SYTL3: variants seen among roughly 807,000 people sequenced by gnomAD.
SYTL3 encodes the protein synaptotagmin like 3, also known as synaptotagmin-like protein 3.
SYTL3 carries 88 observed loss-of-function variants against 82.1 expected under a neutral mutation model. The observed-to-expected ratio is 1.07, with a 90% CI of 0.90 to 1.28. The LOEUF (loss-of-function observed/expected upper bound fraction) is 1.28, where lower values mean the gene tolerates loss of function less well. Ranked by LOEUF, SYTL3 falls within the 50% of genes most tolerant of loss-of-function variation. The pLI, the probability that SYTL3 is intolerant of heterozygous loss-of-function variation, is 0.00. For missense variants in SYTL3, 831 were observed against 757.6 expected, an observed-to-expected ratio of 1.10 and a Z score of -1.14; for synonymous variants, 311 against 289.4, an observed-to-expected ratio of 1.07 and a Z score of -0.76.
rs1206797971 is a variant in SYTL3 at position 158,655,492 on chromosome 6, G to A, written c.-637+3650G>A. Among the ~76,000 whole-genome samples the A allele has an allele frequency of 5.9e-5, 9 of 152,318 alleles. No homozygotes were observed. In the South Asian group the frequency reaches 1.0e-3, roughly 18 times the overall value. On this transcript the variant is annotated intron_variant, in intron 2 of 17. Coordinates refer to ENST00000611299, the MANE Select transcript of SYTL3 (RefSeq NM_001242394.2). ...ACAGAATGAAATCAGGGTCACCATCGAAATATACAAATTAGAAAGCAGTTA... is the reference window on the plus strand; with the variant it reads ...ACAGAATGAAATCAGGGTCACCATCAAAATATACAAATTAGAAAGCAGTTA...
chr6:158,756,034 A>C (rs1789013843), intron 13 of SYTL3, among the ~76,000 whole-genome samples: 1 of 152,238 alleles, frequency 6.6e-6, no homozygotes, highest in Non-Finnish European at 1.5e-5. Context: ...GCATCTAGAA[A>C]GCCTGGTGTG....
rs535441744 is a variant in SYTL3, at chr6:158,708,377, C to T, written c.502C>T (p.Arg168Cys). Residue 168 changes from arginine (R) to cysteine (C), a missense_variant, in exon 8 of 18, where the codon CGC becomes TGC. Arg to Cys is a radical substitution (Grantham distance 180). Transcript: ENST00000611299. ...PPPVSESQCSRSPGRLQEFGQ... is the reference protein window; with the variant it reads ...PPPVSESQCSCSPGRLQEFGQ... ...TCCTGTCAGCGAGAGCCAGTGCAGC[C>T]GCAGTCCTGGCAGGGTAACGTATCC... is the stretch of plus-strand genomic sequence containing the variant. 6.9e-5 allele frequency: 111 copies of T among 1,614,092 alleles called. No homozygotes were observed. Among genetic ancestry groups the T allele is most frequent in the Middle Eastern group, 6.6e-4 (4 of 6,062 alleles).
intron 2 of SYTL3, among the ~76,000 whole-genome samples, chr6:158,655,632 G>T (rs1583119640): frequency 6.6e-6 from 1 of 152,218 alleles, no homozygotes; most frequent in Non-Finnish European, 1.5e-5. Context: ...CTTACTGTTA[G>T]TACCACGACT....
chr6:158,699,123 G>A (rs1464521865), intron 6 of SYTL3, among the ~76,000 whole-genome samples: 1 of 152,152 alleles, frequency 6.6e-6, no homozygotes, highest in Non-Finnish European at 1.5e-5. Flanking sequence ...CTTTGAAAGA[G>A]GCCTAACCAC....
At chr6:158,664,707 C>A (rs1214468939) in intron 4 of SYTL3, among the ~76,000 whole-genome samples, 4 of 152,106 alleles carry the variant, frequency 2.6e-5, no homozygotes, top group Non-Finnish European at 5.9e-5. Context: ...GGTACTAATT[C>A]TAGGGTAGAT....
rs75465508 is a variant in SYTL3, at chr6:158,662,966, G to A, written c.-303G>A. The A allele has an allele frequency of 9.1e-3, 2,368 of 259,628 alleles. 49 individuals are homozygous for A. Among genetic ancestry groups the A allele is most frequent in the African/African-American group, 0.049 (2,207 of 45,220 alleles). 16.1% of individuals were successfully genotyped at this position (259,628 alleles called of 1,614,324 possible). On this transcript the variant is annotated 5_prime_UTR_variant, in exon 4 of 18. Transcript: ENST00000611299. ...AACCTCAGAAAAGAGATATGCTTTT[G>A]TCTTAGATGGATGTCAGCAGCTGCT...
At chr6:158,745,307 G>T (rs1269520268) in intron 11 of SYTL3, among the ~76,000 whole-genome samples, 173 bp from the exon 12 acceptor site, 1 of 114,290 alleles carries the variant, frequency 8.7e-6, no homozygotes, top group Non-Finnish European at 1.8e-5. Flanking sequence ...GTCTCCTTGA[G>T]ATAGAACATG....
chr6:158,760,685 A>T lies in SYTL3; in HGVS notation c.1354A>T (p.Thr452Ser). The change falls in exon 15 of 18, where the codon ACA (threonine) becomes TCA (serine). Residue 452 changes from threonine to serine, a missense_variant. Thr to Ser is a moderately conservative substitution (Grantham distance 58). Coordinates refer to ENST00000611299, the MANE Select transcript of SYTL3 (RefSeq NM_001242394.2). ...CGTTCCTCAGAGTAATGGAGAGCTCACAGTCCGGGCTAAGCTGGTTCTCCC... is the reference window on the plus strand; with the variant it reads ...CGTTCCTCAGAGTAATGGAGAGCTCTCAGTCCGGGCTAAGCTGGTTCTCCC... ...DSVPQSNGEL[T>S]VRAKLVLPSR... 1.2e-6 allele frequency: 2 copies of T among 1,613,732 alleles called. No homozygotes were observed. The highest frequency in any genetic ancestry group is 1.7e-6 in the Non-Finnish European group (2 of 1,179,626).
intron 15 of SYTL3, among the ~76,000 whole-genome samples, chr6:158,761,303 T>TTTTC (rs1554267922): frequency 4.0e-4 from 47 of 117,606 alleles, no homozygotes; most frequent in African/African-American, 1.3e-3. Context: ...GCACATTTCT[T>TTTTC]TTTTTTTTTT....
Position 158,682,974 on chromosome 6 carries a change from A to C in SYTL3, c.379A>C (p.Lys127Gln). The C allele has an allele frequency of 6.2e-7, 1 of 1,612,698 alleles. No individual in the cohort carries two copies. The highest frequency in any genetic ancestry group is 8.5e-7 in the Non-Finnish European group (1 of 1,178,734). The change falls in exon 6 of 18, where the codon AAA becomes CAA. Residue 127 changes from lysine to glutamine, a missense_variant. Coordinates refer to ENST00000611299, the MANE Select transcript of SYTL3 (RefSeq NM_001242394.2). ...GEWFYEERAK[K>Q]FPTGGKHETV... ...ATGGTTCTATGAGGAACGAGCCAAGAAATTTCCAACTGGAGGTAAATGCTC... is the reference window on the plus strand; with the variant it reads ...ATGGTTCTATGAGGAACGAGCCAAGCAATTTCCAACTGGAGGTAAATGCTC...
At chr6:158,701,103 C>T (rs1010159448) in intron 6 of SYTL3, among the ~76,000 whole-genome samples, 1 of 147,654 alleles carries the variant, frequency 6.8e-6, no homozygotes, top group Non-Finnish European at 1.5e-5. Context: ...CTGGTGAGGA[C>T]AGTCATGGAA....
At chr6:158,656,382 T>G (rs1788678676) in intron 2 of SYTL3, among the ~76,000 whole-genome samples, 1 of 152,158 alleles carries the variant, frequency 6.6e-6, no homozygotes, top group South Asian at 2.1e-4. Context: ...TGCAGCCAGT[T>G]CAGGACCCCT....
intron 11 of SYTL3, among the ~76,000 whole-genome samples, chr6:158,735,311 A>C (rs897201904): frequency 3.3e-5 from 5 of 152,178 alleles, no homozygotes; most frequent in Admixed American, 2.0e-4. Context: ...TTTGAGTATT[A>C]ATCAGATTTT....
chr6:158,723,909 G>A (rs1008214647), intron 10 of SYTL3, among the ~76,000 whole-genome samples: 6 of 152,118 alleles, frequency 3.9e-5, no homozygotes, highest in African/African-American at 1.4e-4. Context: ...TTTGTGATCT[G>A]TGTCCACGTG....
intron 10 of SYTL3, among the ~76,000 whole-genome samples, chr6:158,718,627 AGGCGC>A (rs1783701293): frequency 6.6e-6 from 1 of 152,220 alleles, no homozygotes; most frequent in Non-Finnish European, 1.5e-5. Context: ...GAAAACGTAA[AGGCGC>A]GAGCAAGCCT....
intron 6 of SYTL3, among the ~76,000 whole-genome samples, chr6:158,705,044 A>G (rs988041705): frequency 3.8e-5 from 3 of 78,080 alleles, no homozygotes; most frequent in African/African-American, 2.3e-4. Context: ...GTAAGGCCAC[A>G]TAGGGCAGGA....
In SYTL3 at chr6:158,745,574, G is replaced by A. The variant is rs199560956; in HGVS notation, c.950G>A (p.Cys317Tyr). Residue 317 changes from cysteine (C) to tyrosine (Y), a missense_variant, in exon 12 of 18, where the codon TGC (cysteine) becomes TAC (tyrosine). By Grantham distance (194) the Cys-to-Tyr change is radical. Coordinates refer to ENST00000611299, the MANE Select transcript of SYTL3 (RefSeq NM_001242394.2). The stretch of plus-strand genomic sequence containing the variant: ...GAAATAGAATTTGCCATTCATTATT[G>A]CTTCAAAACCCATTCTTTAGAAATA... ...TGEIEFAIHY[C>Y]FKTHSLEICI... is the part of the protein sequence containing the mutation. The A allele has an allele frequency of 5.6e-6, 9 of 1,613,562 alleles. No individual in the cohort carries two copies. The highest frequency in any genetic ancestry group is 2.2e-5 in the East Asian group (1 of 44,850).
intron 3 of SYTL3, among the ~76,000 whole-genome samples, chr6:158,662,425 GAAGTT>G (rs1291565919): frequency 1.3e-5 from 2 of 152,136 alleles, no homozygotes; most frequent in African/African-American, 4.8e-5. Flanking sequence ...TTTGAGTGTT[GAAGTT>G]AATGGTAAAA....
chr6:158,699,657 T>A (rs1197779009), intron 6 of SYTL3, among the ~76,000 whole-genome samples: 3 of 152,014 alleles, frequency 2.0e-5, no homozygotes, highest in African/African-American at 7.2e-5. Context: ...ATTTATTTTT[T>A]AAAAATTGGG....
Sources: allele counts gnomAD v4.1 joint callset (sites outside exome capture counted in the v4.1 genomes callset), GRCh38; gene constraint gnomAD v4.1.1; transcripts MANE v1.5; gene names NCBI Gene and HGNC (gene_info 2026-07-23, HGNC 2026-07-21).